Variants in TLN2 observed in about 807,000 individuals in gnomAD.
TLN2 encodes talin 2, also known as talin-2.
Under a neutral mutation model 294.7 loss-of-function variants are expected in TLN2, and 118 were observed. That is an observed-to-expected ratio of 0.40 (90% CI 0.34 to 0.47). The LOEUF (loss-of-function observed/expected upper bound fraction) is 0.47, where lower values mean the gene tolerates loss of function less well. Ranked by LOEUF, TLN2 falls within the 20% of genes least tolerant of loss-of-function variation. The pLI is 0.84. For synonymous variants in TLN2, 1,431 were observed against 1,304.5 expected, an observed-to-expected ratio of 1.10 and a Z score of -2.09; for missense variants, 3,083 against 3,282.2, an observed-to-expected ratio of 0.94 and a Z score of 1.48.
At chr15:62,712,481 A>C (rs1229645116) in intron 22 of TLN2, among the ~76,000 whole-genome samples, 1 of 152,236 alleles carries the variant, frequency 6.6e-6, no homozygotes, top group African/African-American at 2.4e-5. Flanking sequence ...AAGATTTTGC[A>C]CAGTAGACTA....
In TLN2 at chr15:62,763,581, G is replaced by T; in HGVS notation, c.4980G>T (p.Gln1660His). Residue 1660 changes from glutamine (Q) to histidine (H), a missense_variant, in exon 40 of 59, where the codon CAG (glutamine) becomes CAT (histidine). Gln to His is a conservative substitution (Grantham distance 24, BLOSUM62 0). Coordinates refer to ENST00000636159, the MANE Select transcript of TLN2 (RefSeq NM_015059.3). ...CTTCCAGGGACAAGGCCCCTGGACAGAGGGAGTGTGATTACTCCATCGATG... is the reference window on the plus strand; with the variant it reads ...CTTCCAGGGACAAGGCCCCTGGACATAGGGAGTGTGATTACTCCATCGATG... ...ITSIRDKAPG[Q>H]RECDYSIDGI... 6.2e-7 allele frequency: 1 copy of T among 1,613,110 alleles called. No individual in the cohort carries two copies. The highest frequency in any genetic ancestry group is 8.5e-7 in the Non-Finnish European group (1 of 1,179,384).
At chr15:62,630,446 G>A (rs1266717510) in intron 3 of TLN2, among the ~76,000 whole-genome samples, 1 of 152,166 alleles carries the variant, frequency 6.6e-6, no homozygotes, top group African/African-American at 2.4e-5. Flanking sequence ...TGGCCCTGCG[G>A]TCATACTGGT....
chr15:62,772,959 T>C (rs2063444957), intron 42 of TLN2, among the ~76,000 whole-genome samples: 1 of 151,982 alleles, frequency 6.6e-6, no homozygotes, highest in Non-Finnish European at 1.5e-5. Context: ...CCACCACACC[T>C]GACCTTTCTG....
chr15:62,814,275 A>G (rs571571364), intron 52 of TLN2, among the ~76,000 whole-genome samples: 3 of 152,350 alleles, frequency 2.0e-5, no homozygotes, highest in African/African-American at 7.2e-5. Context: ...CAAGAAAAAG[A>G]CTTATCATTT....
At chr15:62,816,952 C>A (rs770596638) in intron 52 of TLN2, among the ~76,000 whole-genome samples, 2 of 152,110 alleles carry the variant, frequency 1.3e-5, no homozygotes, top group African/African-American at 4.8e-5. Context: ...ACATGAGTCA[C>A]CCAGGGAACT....
At chr15:62,766,211 T>C (rs1455914388) in intron 40 of TLN2, 110 bp from the exon 41 acceptor site, 1 of 870,712 alleles carries the variant, frequency 1.1e-6, no homozygotes, top group African/African-American at 1.7e-5. Flanking sequence ...GCAGGCATTC[T>C]AATGTCTGCT....
intron 1 of TLN2, among the ~76,000 whole-genome samples, chr15:62,562,771 C>T (rs1031672704): frequency 1.3e-5 from 2 of 152,068 alleles, no homozygotes; most frequent in African/African-American, 4.8e-5. Context: ...GCTTAGCTCC[C>T]ACTTACGAGT....
chr15:62,513,095 T>C (rs552725273), intron 1 of TLN2, among the ~76,000 whole-genome samples: 1 of 152,310 alleles, frequency 6.6e-6, no homozygotes, highest in South Asian at 2.1e-4. Context: ...ACATAGGCAT[T>C]CCCAAGTTCT....
In TLN2 at chr15:62,708,459, G is replaced by C. The variant is rs1327915019; in HGVS notation, c.2173-43G>C. The stretch of plus-strand genomic sequence containing the variant: ...GCGGGGGCACATGGAGAGGGACCAG[G>C]ATTCAACCACAGTGCCCAAAACCTG... On this transcript the variant is annotated intron_variant, in intron 20 of 58. Transcript: ENST00000636159. 4 of 1,595,254 alleles carry C rather than the reference G, an allele frequency of 2.5e-6. No homozygotes were observed. The Admixed American group carries it at 6.7e-5, about 27-fold the overall frequency.
At chr15:62,674,352 A>G (rs2055869679) in intron 10 of TLN2, among the ~76,000 whole-genome samples, 1 of 152,148 alleles carries the variant, frequency 6.6e-6, no homozygotes, top group Non-Finnish European at 1.5e-5. Flanking sequence ...GCCATGAAAC[A>G]CTCTAAGGAA....
chr15:62,588,613 C>T lies in TLN2; in HGVS notation c.-237-1074C>T, dbSNP rs368218977. Among the ~76,000 whole-genome samples, 83 of 138,460 alleles carry T rather than the reference C, an allele frequency of 6.0e-4. No homozygotes were observed. In the South Asian group the frequency reaches 8.4e-3, roughly 14 times the overall value. The allele number at this position is 138,460 out of a possible 152,430, so 90.8% of individuals were successfully genotyped here. On this transcript the variant is annotated intron_variant, in intron 1 of 58. Coordinates refer to ENST00000636159, the MANE Select transcript of TLN2 (RefSeq NM_015059.3). ...CACCATTGCACTCCAGCCTGGGCAA[C>T]AAGAGTGAGACTCCATCTTAAAAAA...
At chr15:62,604,493 C>T (rs373348342) in intron 2 of TLN2, among the ~76,000 whole-genome samples, 26 of 146,260 alleles carry the variant, frequency 1.8e-4, no homozygotes, top group East Asian at 1.0e-3. Flanking sequence ...TCACTGCACT[C>T]CAGCCTGGGT....
chr15:62,427,339 T>C (rs1392904511), intron 1 of TLN2, among the ~76,000 whole-genome samples: 2 of 152,178 alleles, frequency 1.3e-5, no homozygotes, highest in Non-Finnish European at 2.9e-5. Context: ...AAATTCTGTC[T>C]ACTTGGGGTT....
intron 1 of TLN2, among the ~76,000 whole-genome samples, chr15:62,533,202 C>T (rs1346671928): frequency 2.9e-5 from 4 of 136,468 alleles, no homozygotes; most frequent in Middle Eastern, 4.1e-3. Flanking sequence ...TACAGTGAGC[C>T]GAGATTGTAC....
At chr15:62,810,183 C>G in intron 52 of TLN2, 151 bp downstream of exon 52, 2 of 695,616 alleles carry the variant, frequency 2.9e-6, no homozygotes, top group East Asian at 2.7e-5. Context: ...GGAATCTCCC[C>G]TGATGCACTG....
chr15:62,433,460 G>T (rs1490043310), intron 1 of TLN2, among the ~76,000 whole-genome samples: 1 of 152,044 alleles, frequency 6.6e-6, no homozygotes, highest in African/African-American at 2.4e-5. Flanking sequence ...CAGACCGCTG[G>T]GGCATACCAC....
chr15:62,650,144 C>A lies in TLN2; in HGVS notation c.197C>A (p.Ala66Glu), dbSNP rs143610133. 2,020 of 1,614,132 alleles carry A rather than the reference C, an allele frequency of 1.3e-3. 4 individuals carry two copies. Among genetic ancestry groups the A allele is most frequent in the Non-Finnish European group, 1.5e-3 (1,824 of 1,180,006 alleles). Residue 66 changes from alanine to glutamate, a missense_variant, in exon 5 of 59, where the codon GCG becomes GAG. Physicochemically the swap from Ala to Glu is moderately radical, Grantham distance 107 (BLOSUM62 -1). Transcript: ENST00000636159. ...CCGAGGAAAGGGATTTGGCTGGAAG[C>A]GGGCAGAACACTGGATTACTACATG... ...EDPRKGIWLE[A>E]GRTLDYYMLR...
At chr15:62,541,770 A>G (rs533021298) in intron 1 of TLN2, among the ~76,000 whole-genome samples, 9 of 152,128 alleles carry the variant, frequency 5.9e-5, no homozygotes, top group Non-Finnish European at 8.8e-5. Flanking sequence ...TATATATACA[A>G]CAGTAAAGTA....
At position 62,740,742 on chromosome 15, in the gene TLN2, C is replaced by G; in HGVS notation, c.3998C>G (p.Ala1333Gly). 1 of 1,614,166 alleles carries G rather than the reference C, an allele frequency of 6.2e-7. No homozygotes were observed. The highest frequency in any genetic ancestry group is 1.1e-5 in the South Asian group (1 of 91,066). The stretch of plus-strand genomic sequence containing the variant: ...TCTGTAGATCCAGGAGCTCCCAATG[C>G]GAAAAATCTCCTGGCTGCAGCTGCA... ...SLSVDPGAPN[A>G]KNLLAAAARA... The change falls in exon 32 of 59, where the codon GCG (alanine) becomes GGG (glycine). Residue 1333 changes from alanine (A) to glycine (G), a missense_variant. Transcript: ENST00000636159.
Sources: allele counts gnomAD v4.1 joint callset (sites outside exome capture counted in the v4.1 genomes callset), GRCh38; gene constraint gnomAD v4.1.1; transcripts MANE v1.5; gene names NCBI Gene and HGNC (gene_info 2026-07-23, HGNC 2026-07-21).